Variants in PDE1C observed in about 807,000 individuals in gnomAD.
PDE1C encodes the protein phosphodiesterase 1C, also known as dual specificity calcium/calmodulin-dependent 3',5'-cyclic nucleotide phosphodiesterase 1C.
PDE1C carries 62 observed loss-of-function variants against 93.1 expected under a neutral mutation model. That is an observed-to-expected ratio of 0.67 (90% CI 0.54 to 0.82). The LOEUF is 0.82. Ranked by LOEUF, PDE1C falls within the 40% of genes least tolerant of loss-of-function variation. The pLI, the probability that PDE1C is intolerant of heterozygous loss-of-function variation, is 0.00. For synonymous variants in PDE1C, 325 were observed against 310.1 expected (o/e 1.05, Z -0.50); for missense variants, 742 against 884.6 (o/e 0.84, Z 2.04).
At chr7:31,825,589 T>G (rs985874038) in intron 12 of PDE1C, among the ~76,000 whole-genome samples, 1 of 152,110 alleles carries the variant, frequency 6.6e-6, no homozygotes, top group East Asian at 1.9e-4. Flanking sequence ...TAAGAGTTTT[T>G]AAATGTTCTT....
intron 1 of PDE1C, among the ~76,000 whole-genome samples, chr7:32,236,972 A>G (rs1320539288): frequency 6.6e-6 from 1 of 152,164 alleles, no homozygotes; most frequent in East Asian, 1.9e-4. Flanking sequence ...ACAAAGGAGA[A>G]AGCTACTGAT....
intron 2 of PDE1C, among the ~76,000 whole-genome samples, chr7:32,171,105 G>T (rs918165623): frequency 5.9e-5 from 9 of 152,138 alleles, no homozygotes; most frequent in Non-Finnish European, 1.2e-4. Flanking sequence ...TCCCCAGATG[G>T]CCCCGTAACA....
intron 2 of PDE1C, among the ~76,000 whole-genome samples, chr7:31,968,057 G>C (rs1017366161): frequency 5.9e-5 from 9 of 152,186 alleles, no homozygotes; most frequent in Non-Finnish European, 1.2e-4. Flanking sequence ...ACAAGACAGG[G>C]ATGCCCTCTC....
intron 1 of PDE1C, among the ~76,000 whole-genome samples, chr7:32,237,764 T>TATA (rs1562607071): frequency 3.7e-5 from 3 of 80,040 alleles, no homozygotes; most frequent in African/African-American, 5.4e-5. Flanking sequence ...ATATATATAC[T>TATA]TTTTTTTTTT....
chr7:32,039,932 T>G (rs922681516), intron 2 of PDE1C, among the ~76,000 whole-genome samples: 3 of 152,228 alleles, frequency 2.0e-5, no homozygotes, highest in Non-Finnish European at 4.4e-5. Context: ...GAACTTATGA[T>G]TTCTAATTTG....
At chr7:32,050,030 C>T (rs935854996) in intron 2 of PDE1C, among the ~76,000 whole-genome samples, 2 of 152,160 alleles carry the variant, frequency 1.3e-5, no homozygotes, top group African/African-American at 4.8e-5. Context: ...CAGCATAATA[C>T]TGTACTTGGT....
At chr7:32,037,694 C>A (rs151198605) in intron 2 of PDE1C, among the ~76,000 whole-genome samples, 2 of 152,246 alleles carry the variant, frequency 1.3e-5, no homozygotes, top group East Asian at 3.9e-4. Flanking sequence ...TGTCAAATAA[C>A]TTATATTGAA....
At chr7:31,872,423 G>T (rs942736300) in intron 6 of PDE1C, among the ~76,000 whole-genome samples, 1 of 152,036 alleles carries the variant, frequency 6.6e-6, no homozygotes, top group Admixed American at 6.6e-5. Flanking sequence ...AATAATGCGG[G>T]TAATGGACAC....
intron 16 of PDE1C, chr7:31,788,367 A>G (rs1784225771): frequency 6.6e-6 from 1 of 152,344 alleles, no homozygotes; most frequent in East Asian, 1.9e-4. Flanking sequence ...GATTGAATGC[A>G]GCTCACAGGC....
At chr7:32,298,568 G>A in intron 1 of PDE1C, 14 of 1,492,900 alleles carry the variant, frequency 9.4e-6, no homozygotes, top group Non-Finnish European at 1.2e-5. Context: ...AGCTCCCCCT[G>A]CCCGCTTAGA....
chr7:31,896,182 A>C (rs2128910264), intron 2 of PDE1C, among the ~76,000 whole-genome samples: 1 of 152,278 alleles, frequency 6.6e-6, no homozygotes, highest in African/African-American at 2.4e-5. Context: ...AGTGGCAGGC[A>C]GGGCATAGTG....
chr7:32,000,584 G>A (rs1563170118), intron 2 of PDE1C, among the ~76,000 whole-genome samples: 2 of 152,094 alleles, frequency 1.3e-5, no homozygotes, highest in South Asian at 2.1e-4. Flanking sequence ...CACAAACATC[G>A]CAGAACCCTC....
chr7:32,410,853 T>C (rs1785155705), intron 1 of PDE1C, among the ~76,000 whole-genome samples: 1 of 152,216 alleles, frequency 6.6e-6, no homozygotes, highest in Non-Finnish European at 1.5e-5. Context: ...ACAAGTGTGA[T>C]GGCTGTCCAC....
At chr7:31,736,585 A>G in the PDE1C span, among the ~76,000 whole-genome samples, 1 of 152,150 alleles carries the variant, frequency 6.6e-6, no homozygotes, top group Non-Finnish European at 1.5e-5. Context: ...TGCAGGAAAA[A>G]TTGTCACATT....
the PDE1C span, among the ~76,000 whole-genome samples, chr7:31,651,594 G>A: frequency 6.6e-6 from 1 of 152,116 alleles, no homozygotes; most frequent in African/African-American, 2.4e-5. Flanking sequence ...CATTGGGGCT[G>A]GGGATGGAAA....
chr7:32,376,841 C>T (rs1176566284), intron 1 of PDE1C, among the ~76,000 whole-genome samples: 1 of 152,150 alleles, frequency 6.6e-6, no homozygotes, highest in Non-Finnish European at 1.5e-5. Context: ...GCGCCCGCCA[C>T]CACGCCGGGT....
chr7:32,320,049 G>A (rs768538259), intron 1 of PDE1C, among the ~76,000 whole-genome samples: 13 of 152,084 alleles, frequency 8.5e-5, no homozygotes, highest in Non-Finnish European at 1.3e-4. Flanking sequence ...GGATAGGTGG[G>A]GCAACTTGAA....
chr7:32,356,380 T>TA (rs1342811846), intron 1 of PDE1C, among the ~76,000 whole-genome samples: 2 of 152,212 alleles, frequency 1.3e-5, no homozygotes. Flanking sequence ...TTGATGACAG[T>TA]AAGAGAGAAA....
At chr7:31,707,115 C>A in the PDE1C span, 3 of 1,199,098 alleles carry the variant, frequency 2.5e-6, no homozygotes, top group East Asian at 2.5e-5. Context: ...TTCTGGGTTG[C>A]CATGCTCCTT....
Sources: allele counts gnomAD v4.1 joint callset (sites outside exome capture counted in the v4.1 genomes callset), GRCh38; gene constraint gnomAD v4.1.1; transcripts MANE v1.5; gene names NCBI Gene and HGNC (gene_info 2026-07-23, HGNC 2026-07-21).